Variants in ADCY8 observed in about 807,000 individuals in gnomAD.
ADCY8 encodes adenylate cyclase type 8.
In ADCY8, 51 loss-of-function variants were observed where a neutral mutation model predicts 119.7. The observed-to-expected ratio is 0.43, with a 90% confidence interval of 0.34 to 0.54. ADCY8 has a LOEUF of 0.54. Ranked by LOEUF, ADCY8 falls within the 20% of genes least tolerant of loss-of-function variation. The probability of loss-of-function intolerance (pLI) is 0.03; values close to 1 mark genes in which losing one functional copy is unlikely to be tolerated. For synonymous variants in ADCY8, 665 were observed against 651.0 expected (o/e 1.02, Z -0.33); for missense variants, 1,383 against 1,598.8 (o/e 0.87, Z 2.30).
At chr8:131,011,113 C>T (rs541622607) in intron 1 of ADCY8, among the ~76,000 whole-genome samples, 22 of 151,322 alleles carry the variant, frequency 1.5e-4, no homozygotes, top group East Asian at 1.9e-4. Flanking sequence ...CTAGGATAGA[C>T]GCATGCAGCC....
rs555305689 is a variant in ADCY8 at position 130,908,341 on chromosome 8, A to C, written c.1640+1367T>G. ...ACTTGTTTGTCTAAATTCAGCAGGTAGTTACTTGTGGGAAAATCCTAAAGA... is the reference window on the plus strand; with the variant it reads ...ACTTGTTTGTCTAAATTCAGCAGGTCGTTACTTGTGGGAAAATCCTAAAGA... On this transcript the variant is annotated intron_variant, in intron 6 of 17. Transcript: ENST00000286355. Among the ~76,000 whole-genome samples, 5 of 152,350 alleles carry C rather than the reference A, an allele frequency of 3.3e-5. No homozygotes were observed. In the South Asian group the frequency reaches 1.0e-3, roughly 32 times the overall value.
chr8:130,885,446 A>G (rs1030585525), intron 7 of ADCY8, among the ~76,000 whole-genome samples: 1 of 152,128 alleles, frequency 6.6e-6, no homozygotes, highest in Non-Finnish European at 1.5e-5. Context: ...AGGGTTACAC[A>G]GCACGAGACG....
At chr8:130,799,166 G>A (rs773668668) in intron 15 of ADCY8, among the ~76,000 whole-genome samples, 7 of 152,084 alleles carry the variant, frequency 4.6e-5, no homozygotes, top group African/African-American at 1.2e-4. Flanking sequence ...TAGTTAAAGG[G>A]TATAAAGTTT....
At chr8:130,993,018 G>A (rs2130746979) in intron 1 of ADCY8, among the ~76,000 whole-genome samples, 1 of 152,086 alleles carries the variant, frequency 6.6e-6, no homozygotes, top group Non-Finnish European at 1.5e-5. Flanking sequence ...GTTACATATA[G>A]GAGACATATT....
chr8:131,011,828 G>C (rs1399634178), intron 1 of ADCY8, among the ~76,000 whole-genome samples: 1 of 152,144 alleles, frequency 6.6e-6, no homozygotes, highest in Non-Finnish European at 1.5e-5. Context: ...CAGGTAGAAT[G>C]CAGGAGCACC....
chr8:131,016,210 ATGG>A (rs762463430), intron 1 of ADCY8, among the ~76,000 whole-genome samples: 1 of 152,034 alleles, frequency 6.6e-6, no homozygotes, highest in Non-Finnish European at 1.5e-5. Context: ...GGAATGCAGT[ATGG>A]TGGGGGGAGG....
Position 130,834,774 on chromosome 8 carries a change from A to G in ADCY8, c.2675+1503T>C, listed in dbSNP as rs563246068. Reference sequence around the variant, plus strand: ...AAATAGTAAATATTATAAATAATTTATAGATACAGACCTAGCTATATGTAT... The same window carrying G: ...AAATAGTAAATATTATAAATAATTTGTAGATACAGACCTAGCTATATGTAT... On this transcript the variant is annotated intron_variant, in intron 12 of 17. Coordinates refer to ENST00000286355, the MANE Select transcript of ADCY8 (RefSeq NM_001115.3). Among the ~76,000 whole-genome samples, 20 of 152,354 alleles carry G rather than the reference A, an allele frequency of 1.3e-4. No homozygotes were observed. In the South Asian group the frequency reaches 4.1e-3, roughly 32 times the overall value.
In ADCY8 at chr8:131,040,280, G is replaced by A; in HGVS notation, c.54C>T (p.Ile18=). 6.4e-7 allele frequency: 1 copy of A among 1,569,476 alleles called. No individual in the cohort carries two copies. ...CGTCGCCGGCCGGGGGCGTCGGGTG[G>A]ATGGTGTAGAGTTCCTCGCTGCCTG... ...CLTGSEELYT[I]HPTPPAGDGR... Residue 18 remains isoleucine (I), a synonymous_variant, in exon 1 of 18, where the codon ATC becomes ATT. Coordinates refer to ENST00000286355, the MANE Select transcript of ADCY8 (RefSeq NM_001115.3).
chr8:131,037,164 G>A (rs1010622491), intron 1 of ADCY8, among the ~76,000 whole-genome samples: 2 of 152,144 alleles, frequency 1.3e-5, no homozygotes, highest in Non-Finnish European at 2.9e-5. Context: ...TTCTTTTAGA[G>A]TTTTGGTAAA....
intron 1 of ADCY8, among the ~76,000 whole-genome samples, chr8:130,991,357 G>A (rs752398574): frequency 6.6e-6 from 1 of 152,230 alleles, no homozygotes; most frequent in African/African-American, 2.4e-5. Context: ...AAAGAACAGA[G>A]TTCCAGACCA....
At chr8:130,998,468 G>T (rs977670190) in intron 1 of ADCY8, among the ~76,000 whole-genome samples, 5 of 152,148 alleles carry the variant, frequency 3.3e-5, no homozygotes, top group African/African-American at 7.2e-5. Context: ...GGAGCCTGGG[G>T]AAGAGCTTTC....
intron 8 of ADCY8, among the ~76,000 whole-genome samples, chr8:130,884,003 C>T (rs1236226109): frequency 6.6e-6 from 1 of 151,640 alleles, no homozygotes; most frequent in Non-Finnish European, 1.5e-5. Flanking sequence ...GTTCACATAG[C>T]AAGAAAGTGG....
intron 14 of ADCY8, among the ~76,000 whole-genome samples, chr8:130,813,002 C>T (rs1205999448): frequency 1.3e-5 from 2 of 149,418 alleles, no homozygotes; most frequent in Non-Finnish European, 3.0e-5. Flanking sequence ...GGCTGGAGTG[C>T]AGTGGCACAA....
chr8:130,897,288 A>G (rs1382306317), intron 7 of ADCY8, among the ~76,000 whole-genome samples: 6 of 152,074 alleles, frequency 3.9e-5, no homozygotes, highest in African/African-American at 1.2e-4. Flanking sequence ...AATACAGAGA[A>G]CAAGATCTAA....
At chr8:130,949,082 G>A (rs1336022129) in intron 3 of ADCY8, among the ~76,000 whole-genome samples, 1 of 151,948 alleles carries the variant, frequency 6.6e-6, no homozygotes, top group South Asian at 2.1e-4. Context: ...AAATTTTAAT[G>A]TACTGTGGCG....
At chr8:130,987,302 A>G (rs779696423) in intron 2 of ADCY8, among the ~76,000 whole-genome samples, 2 of 152,116 alleles carry the variant, frequency 1.3e-5, no homozygotes, top group Non-Finnish European at 2.9e-5. Context: ...GGTTTGACCC[A>G]TACACTATTG....
rs370127292 is a variant in ADCY8 at position 130,821,406 on chromosome 8, G to A, written c.2690C>T (p.Thr897Ile). 8 of 1,613,032 alleles carry A rather than the reference G, an allele frequency of 5.0e-6. No homozygotes were observed. The highest frequency in any genetic ancestry group is 6.8e-6 in the Non-Finnish European group (8 of 1,179,394). The change falls in exon 13 of 18, where the codon ACC becomes ATC. Residue 897 changes from threonine to isoleucine, a missense_variant. Transcript: ENST00000286355. Reference sequence around the variant, plus strand: ...CATCAGTAGCAGTGATACCTCCTTGGTCCCCAGGAAATCTCTGTTGGAAGA... The same window carrying A: ...CATCAGTAGCAGTGATACCTCCTTGATCCCCAGGAAATCTCTGTTGGAAGA... ...LNHSGEDFLG[T>I]KEVSLLLMAM... is the part of the protein sequence containing the mutation.
intron 2 of ADCY8, among the ~76,000 whole-genome samples, chr8:130,961,822 G>A (rs1205499101): frequency 3.3e-5 from 5 of 152,088 alleles, no homozygotes; most frequent in Admixed American, 6.6e-5. Flanking sequence ...TCCAGCTCAT[G>A]GATGCATTTT....
intron 11 of ADCY8, 85 bp from the exon 12 acceptor site, chr8:130,836,534 C>G: frequency 2.1e-6 from 3 of 1,410,494 alleles, no homozygotes; most frequent in Non-Finnish European, 2.9e-6. Flanking sequence ...GTCTTACACA[C>G]ATTTGCAGAG....
Sources: gnomAD v4.1 joint callset for allele counts (sites outside exome capture counted in the v4.1 genomes callset) on GRCh38, gnomAD v4.1.1 for gene constraint, MANE v1.5 for transcripts, NCBI Gene and HGNC (gene_info 2026-07-23, HGNC 2026-07-21) for gene names.